AGAP2: variants seen among roughly 807,000 people sequenced by gnomAD.
The protein encoded by AGAP2 is arf-GAP with GTPase, ANK repeat and PH domain-containing protein 2.
A neutral mutation model predicts 110.9 loss-of-function variants in AGAP2; 32 were observed. The ratio of observed to expected loss-of-function variants is 0.29; its 90% CI spans 0.22 to 0.39. The LOEUF (loss-of-function observed/expected upper bound fraction) is 0.39. Among genes scored for constraint, AGAP2 ranks in the 10% least tolerant of loss-of-function variants. The pLI, the probability that AGAP2 is intolerant of heterozygous loss-of-function variation, is 1.00. For synonymous variants in AGAP2, 702 were observed against 713.0 expected, an observed-to-expected ratio of 0.98 and a Z score of 0.25; for missense variants, 1,285 against 1,638.5, an observed-to-expected ratio of 0.78 and a Z score of 3.72.
chr12:57,730,250 G>A, intron 12 of AGAP2: 1 of 543,340 alleles, frequency 1.8e-6, no homozygotes. Flanking sequence ...GGAAACTGAG[G>A]CACGGAGAGG....
At position 57,738,008 on chromosome 12, in the gene AGAP2, G is replaced by C. The variant is rs1449278668; in HGVS notation, c.239C>G (p.Thr80Arg). ...FHRQDALWIS[T>R]SSAGTGGAEP... is the part of the protein sequence containing the mutation. ...CGCGCCCCCGGTGCCCGCGCTGCTCGTGCTGATCCACAGCGCATCCTGCCG... is the reference window on the plus strand; with the variant it reads ...CGCGCCCCCGGTGCCCGCGCTGCTCCTGCTGATCCACAGCGCATCCTGCCG... Residue 80 changes from threonine to arginine, a missense_variant, in exon 1 of 19, where the codon ACG becomes AGG. Thr to Arg is a moderately conservative substitution (Grantham distance 71). This residue lies in a region of AGAP2 where 844 missense variants were observed against 941.2 expected (regional missense o/e 0.90). Transcript: ENST00000547588. The surrounding 1 kb of genome is among the most constrained non-coding windows in gnomAD (Gnocchi z 6.7). The C allele has an allele frequency of 5.3e-6, 8 of 1,503,146 alleles. No homozygotes were observed. Among genetic ancestry groups the C allele is most frequent in the Non-Finnish European group, 7.1e-6 (8 of 1,132,048 alleles). 93.1% of individuals were successfully genotyped at this position (1,503,146 alleles called of 1,614,324 possible).
rs1453065719 is a variant in AGAP2, at chr12:57,728,101, G to A, written c.2618-16C>T. ...AAGTTTTCCTCTGAGTGGGGGATGG[G>A]ATGGGGTCATTAAGGGACAGAGTTC... On this transcript the variant is annotated splice_polypyrimidine_tract_variant and intron_variant, in intron 14 of 18. Coordinates refer to ENST00000547588, the MANE Select transcript of AGAP2 (RefSeq NM_001122772.3). 5 of 1,580,446 alleles carry A rather than the reference G, an allele frequency of 3.2e-6. No individual in the cohort carries two copies. The South Asian group carries it at 6.0e-5, about 19-fold the overall frequency.
At chr12:57,731,491 C>T (rs1555198758) in intron 9 of AGAP2, 21 bp from the exon 10 acceptor site, 2 of 1,613,786 alleles carry the variant, frequency 1.2e-6, no homozygotes, top group Non-Finnish European at 1.7e-6. Flanking sequence ...GGGAAAGACA[C>T]ATGTGGGAAA....
chr12:57,725,692 C>G lies in AGAP2; in HGVS notation c.*860G>C, dbSNP rs1442484261. 1 of 148,804 alleles carries G rather than the reference C, an allele frequency of 6.7e-6. No individual in the cohort carries two copies. Among genetic ancestry groups the G allele is most frequent in the Non-Finnish European group, 1.5e-5 (1 of 66,890 alleles). 9.2% of individuals were successfully genotyped at this position (148,804 alleles called of 1,614,324 possible). On this transcript the variant is annotated 3_prime_UTR_variant, in exon 19 of 19. Transcript: ENST00000547588. Reference sequence around the variant, plus strand: ...CACAGACACAACCCGAGAGCACCCCCACCCCAACCCACCCCCTGCCCACCC... The same window carrying G: ...CACAGACACAACCCGAGAGCACCCCGACCCCAACCCACCCCCTGCCCACCC...
chr12:57,734,503 C>T (rs1954943613), intron 3 of AGAP2, 89 bp downstream of exon 3: 1 of 1,587,104 alleles, frequency 6.3e-7, no homozygotes, highest in Non-Finnish European at 8.7e-7. Context: ...TCATCCTTCC[C>T]CCCTGGTCTC....
chr12:57,734,613 G>C lies in AGAP2; in HGVS notation c.1294C>G (p.Gln432Glu). 1 of 1,614,152 alleles carries C rather than the reference G, an allele frequency of 6.2e-7. No individual in the cohort carries two copies. Among genetic ancestry groups the C allele is most frequent in the Admixed American group, 1.7e-5 (1 of 60,006 alleles). ...TCACTCTCTGTCTTCTCCAGCACCTGGTATGAGCCAGTCAGGAATCGGTGG... is the reference window on the plus strand; with the variant it reads ...TCACTCTCTGTCTTCTCCAGCACCTCGTATGAGCCAGTCAGGAATCGGTGG... ...LIHRFLTGSY[Q>E]VLEKTESEQY... Residue 432 changes from glutamine (Q) to glutamate (E), a missense_variant, in exon 3 of 19, where the codon CAG becomes GAG. Gln to Glu is a conservative substitution (Grantham distance 29, BLOSUM62 2). Coordinates refer to ENST00000547588, the MANE Select transcript of AGAP2 (RefSeq NM_001122772.3).
rs1222855743 is a variant in AGAP2 at position 57,737,137 on chromosome 12, G to A, written c.1110C>T (p.Ser370=). 1.3e-6 allele frequency: 2 copies of A among 1,568,958 alleles called. No homozygotes were observed. Among genetic ancestry groups the A allele is most frequent in the African/African-American group, 1.4e-5 (1 of 73,874 alleles). ...CCCTGGACCCGCTGCCAGAAGACAG[G>A]CTGGGGGGTCCGGGAAGGGGCCCGG... The part of the protein sequence containing the change: ...PGSGPLPGPP[S]LSSGSGSREL... The change falls in exon 1 of 19, where the codon AGC becomes AGT. Residue 370 remains serine (S), a synonymous_variant. Coordinates refer to ENST00000547588, the MANE Select transcript of AGAP2 (RefSeq NM_001122772.3). This position sits in a 1 kb window ranked among gnomAD's most constrained non-coding sequence, Gnocchi z 5.9.
At position 57,731,755 on chromosome 12, in the gene AGAP2, T is replaced by C. The variant is rs879246626; in HGVS notation, c.1953+54A>G. Reference sequence around the variant, plus strand: ...AGAGGAGTCTAGGGACTAGGGAAGATGGGCAGGTCATGGGGGACAGGAGGA... The same window carrying C: ...AGAGGAGTCTAGGGACTAGGGAAGACGGGCAGGTCATGGGGGACAGGAGGA... On this transcript the variant is annotated intron_variant, in intron 8 of 18. Transcript: ENST00000547588. 8.9e-6 allele frequency: 14 copies of C among 1,566,280 alleles called. 1 individual carries two copies. In the South Asian group the frequency reaches 1.4e-4, roughly 16 times the overall value.
In AGAP2 at chr12:57,729,658, G is replaced by C; in HGVS notation, c.2538C>G (p.Gly846=). Residue 846 remains glycine, a synonymous_variant, in exon 13 of 19, where the codon GGC becomes GGG. Transcript: ENST00000547588. ...CCTCACCTTCAGCCTGCCCAGCCGA[G>C]CCTTCAGTCTTGGATGGTGTTGTCA... is the stretch of plus-strand genomic sequence containing the variant. ...KKLTTPSKTE[G]SAGQAEAKRK... The C allele has an allele frequency of 6.2e-7, 1 of 1,613,306 alleles. No individual in the cohort carries two copies. Among genetic ancestry groups the C allele is most frequent in the Non-Finnish European group, 8.5e-7 (1 of 1,179,822 alleles).
At chr12:57,728,803 T>C (rs1183291193) in intron 13 of AGAP2, among the ~76,000 whole-genome samples, 1 of 151,944 alleles carries the variant, frequency 6.6e-6, no homozygotes, top group Non-Finnish European at 1.5e-5. Context: ...GGGGAATCAC[T>C]GAGGGACAAG....
chr12:57,734,473 G>C, intron 3 of AGAP2, 69 bp from the exon 4 acceptor site: 1 of 1,593,022 alleles, frequency 6.3e-7, no homozygotes. Context: ...CATGCTCCCA[G>C]TGCTTTTGCT....
At chr12:57,728,140 C>T in intron 14 of AGAP2, 55 bp from the exon 15 acceptor site, 1 of 1,554,820 alleles carries the variant, frequency 6.4e-7, no homozygotes, top group South Asian at 1.2e-5. Flanking sequence ...CAGGGGCTGC[C>T]TTTCCCAAGA....
downstream of AGAP2, chr12:57,724,318 G>A (rs1954728989): frequency 6.6e-6 from 1 of 152,302 alleles, no homozygotes; most frequent in African/African-American, 2.4e-5. Flanking sequence ...CCTCAAGGTA[G>A]ATAACAACAT....
Position 57,737,960 on chromosome 12 carries a change from G to C in AGAP2, c.287C>G (p.Ala96Gly). Residue 96 changes from alanine to glycine, a missense_variant, in exon 1 of 19, where the codon GCT becomes GGT. This residue lies in a region of AGAP2 where 844 missense variants were observed against 941.2 expected (regional missense o/e 0.90). Transcript: ENST00000547588. The surrounding 1 kb of genome is among the most constrained non-coding windows in gnomAD (Gnocchi z 5.9). ...GACTGGGCGGGCCGGACTGGCCGGA[G>C]CCGGGGACAGGGCTGGGGGCTCCGC... ...GGAEPPALSPAPASPARPVSP... is the reference protein window; with the variant it reads ...GGAEPPALSPGPASPARPVSP... 7.1e-7 allele frequency: 1 copy of C among 1,407,362 alleles called. No individual in the cohort carries two copies. Among genetic ancestry groups the C allele is most frequent in the Non-Finnish European group, 9.2e-7 (1 of 1,090,722 alleles). 87.2% of individuals were successfully genotyped at this position (1,407,362 alleles called of 1,614,324 possible). A position where few individuals can be genotyped will look rare whatever the true frequency, so the allele number is the denominator to read the frequency against.
At position 57,731,844 on chromosome 12, in the gene AGAP2, G is replaced by A. The variant is rs1467149606; in HGVS notation, c.1918C>T (p.His640Tyr). 4 of 1,597,724 alleles carry A rather than the reference G, an allele frequency of 2.5e-6. No individual in the cohort carries two copies. The highest frequency in any genetic ancestry group is 3.4e-6 in the Non-Finnish European group (4 of 1,172,448). The change falls in exon 8 of 19, where the codon CAC becomes TAC. Residue 640 changes from histidine to tyrosine, a missense_variant. Transcript: ENST00000547588. ...VAGLSTPGSL[H>Y]RAAKRRTSLF... ...CTGGTCCTGCGCTTGGCTGCCCGGT[G>A]CAGGGACCCTGGGGTGCTCAATCCA... is the stretch of plus-strand genomic sequence containing the variant.
chr12:57,741,465 G>T (rs1029946100), upstream of AGAP2, among the ~76,000 whole-genome samples: 8 of 152,138 alleles, frequency 5.3e-5, no homozygotes. Flanking sequence ...GTGTGTGTGT[G>T]TGTATGTGTG....
chr12:57,728,310 C>A lies in AGAP2; in HGVS notation c.2617+8G>T. 6.2e-7 allele frequency: 1 copy of A among 1,613,778 alleles called. No homozygotes were observed. The highest frequency in any genetic ancestry group is 8.5e-7 in the Non-Finnish European group (1 of 1,179,794). Reference sequence around the variant, plus strand: ...GCTGAGCGCCCCTCCCGGCTCCCCACTTGTTACCTGCTTTATAAATATTTC... The same window carrying A: ...GCTGAGCGCCCCTCCCGGCTCCCCAATTGTTACCTGCTTTATAAATATTTC... On this transcript the variant is annotated splice_region_variant and intron_variant, in intron 14 of 18. Coordinates refer to ENST00000547588, the MANE Select transcript of AGAP2 (RefSeq NM_001122772.3).
Position 57,727,380 on chromosome 12 carries a change from C to T in AGAP2, c.3060G>A (p.Lys1020=), listed in dbSNP as rs1319506423. The T allele has an allele frequency of 6.2e-7, 1 of 1,611,698 alleles. No individual in the cohort carries two copies. The highest frequency in any genetic ancestry group is 1.3e-5 in the African/African-American group (1 of 74,934). The part of the protein sequence containing the change: ...VWESDTRGRA[K]PSRDSSREER... Reference sequence around the variant, plus strand: ...CTTACCGCGAAGAGTCCCGCGAGGGCTTGGCACGGCCTCGCGTGTCGCTTT... The same window carrying T: ...CTTACCGCGAAGAGTCCCGCGAGGGTTTGGCACGGCCTCGCGTGTCGCTTT... The change falls in exon 17 of 19, where the codon AAG becomes AAA. Residue 1020 remains lysine, a synonymous_variant. Coordinates refer to ENST00000547588, the MANE Select transcript of AGAP2 (RefSeq NM_001122772.3).
intron 13 of AGAP2, among the ~76,000 whole-genome samples, chr12:57,728,587 C>G (rs1479729130): frequency 1.3e-5 from 2 of 152,068 alleles, no homozygotes; most frequent in African/African-American, 4.8e-5. Context: ...AGCCAAGAGC[C>G]ATGAGAGTAG....
Sources: gnomAD v4.1 joint callset for allele counts (sites outside exome capture counted in the v4.1 genomes callset) on GRCh38, gnomAD v4.1.1 for gene constraint, gnomAD v4.1.1 regional missense constraint, Gnocchi (gnomAD v3.1) non-coding constraint, MANE v1.5 for transcripts, NCBI Gene and HGNC (gene_info 2026-07-23, HGNC 2026-07-21) for gene names.